The following PCDH15 variants were observed in gnomAD, a reference collection of about 807,000 sequenced individuals.
PCDH15 encodes the protein protocadherin related 15.
PCDH15 carries 129 observed loss-of-function variants against 178.5 expected under a neutral mutation model. The observed-to-expected ratio is 0.72, with a 90% CI of 0.63 to 0.84. The LOEUF (loss-of-function observed/expected upper bound fraction) is 0.84. Among genes scored for constraint, PCDH15 ranks in the 40% least tolerant of loss-of-function variants. The probability of loss-of-function intolerance (pLI) is 0.00; values close to 1 mark genes in which losing one functional copy is unlikely to be tolerated. For missense variants in PCDH15, 2,230 were observed against 2,099.9 expected (o/e 1.06, Z -1.21); for synonymous variants, 800 against 732.0 (o/e 1.09, Z -1.50).
intron 1 of PCDH15, among the ~76,000 whole-genome samples, chr10:54,668,669 A>G (rs2094609501): frequency 6.6e-6 from 1 of 152,216 alleles, no homozygotes; most frequent in Admixed American, 6.6e-5. Context: ...AAAAGCAGCC[A>G]AGGTTGACAC....
chr10:54,741,874 C>G (rs1944852917), intron 1 of PCDH15, among the ~76,000 whole-genome samples: 1 of 152,040 alleles, frequency 6.6e-6, no homozygotes, highest in South Asian at 2.1e-4. Context: ...GTCCTTATCT[C>G]AAGTCACTTG....
At chr10:54,743,630 C>T (rs117715094) in intron 1 of PCDH15, among the ~76,000 whole-genome samples, 1 of 151,918 alleles carries the variant, frequency 6.6e-6, no homozygotes, top group Non-Finnish European at 1.5e-5. Flanking sequence ...CAAATTACCA[C>T]CACTTGAAAG....
At chr10:54,386,915 C>T (rs1301779107) in intron 3 of PCDH15, among the ~76,000 whole-genome samples, 1 of 152,026 alleles carries the variant, frequency 6.6e-6, no homozygotes, top group African/African-American at 2.4e-5. Context: ...GAAACAAGTT[C>T]AAGAGATTAA....
At chr10:54,970,913 T>C (rs894523763) in intron 2 of PCDH15, among the ~76,000 whole-genome samples, 4 of 152,306 alleles carry the variant, frequency 2.6e-5, no homozygotes, top group Non-Finnish European at 5.9e-5. Context: ...ATTTATCATA[T>C]GTTTGTTCCA....
At chr10:55,531,081 T>C (rs1230589389) in intron 2 of PCDH15, among the ~76,000 whole-genome samples, 4 of 152,000 alleles carry the variant, frequency 2.6e-5, no homozygotes, top group Non-Finnish European at 4.4e-5. Flanking sequence ...TGATTTTATT[T>C]TGGCTTCAAC....
intron 2 of PCDH15, among the ~76,000 whole-genome samples, chr10:54,605,224 A>G (rs887580164): frequency 2.0e-5 from 3 of 151,968 alleles, no homozygotes; most frequent in Non-Finnish European, 2.9e-5. Flanking sequence ...TAAATTTACC[A>G]TTACCGATGA....
chr10:54,798,213 C>A (rs1291825562), intron 1 of PCDH15, among the ~76,000 whole-genome samples: 1 of 151,550 alleles, frequency 6.6e-6, no homozygotes, highest in Non-Finnish European at 1.5e-5. Context: ...TCAAAATTGA[C>A]TATGAGCACT....
chr10:55,604,401 G>C (rs1292559795), intron 2 of PCDH15, among the ~76,000 whole-genome samples: 1 of 151,892 alleles, frequency 6.6e-6, no homozygotes, highest in Non-Finnish European at 1.5e-5. Context: ...GGACCTAATA[G>C]ACAGCTACAG....
chr10:54,199,467 G>A (rs1344959149), intron 10 of PCDH15, among the ~76,000 whole-genome samples: 1 of 151,466 alleles, frequency 6.6e-6, no homozygotes, highest in East Asian at 1.9e-4. Flanking sequence ...AATGAATATC[G>A]AAAAGCAAGA....
At chr10:55,427,878 A>T in intron 2 of PCDH15, among the ~76,000 whole-genome samples, 1 of 152,114 alleles carries the variant, frequency 6.6e-6, no homozygotes, top group Non-Finnish European at 1.5e-5. Flanking sequence ...GTATCTCCAA[A>T]TAGCATTTTA....
intron 8 of PCDH15, among the ~76,000 whole-genome samples, chr10:54,296,144 C>CAAAAAAAA (rs59721161): frequency 1.0e-4 from 5 of 48,224 alleles, no homozygotes; most frequent in African/African-American, 2.4e-4. Flanking sequence ...GACTCCGTCT[C>CAAAAAAAA]AAAAAAAAAA....
chr10:54,995,133 T>G (rs1026877634), intron 2 of PCDH15, among the ~76,000 whole-genome samples: 1 of 152,010 alleles, frequency 6.6e-6, no homozygotes, highest in Non-Finnish European at 1.5e-5. Context: ...TCCCAGCACT[T>G]TGGGAGGCCG....
chr10:55,293,794 C>T (rs1402076588), intron 1 of PCDH15, among the ~76,000 whole-genome samples: 2 of 152,122 alleles, frequency 1.3e-5, no homozygotes, highest in African/African-American at 4.8e-5. Flanking sequence ...GCATTTTGAT[C>T]AAAGCCATTC....
intron 2 of PCDH15, among the ~76,000 whole-genome samples, chr10:55,491,842 G>A (rs371636653): frequency 6.6e-6 from 1 of 151,548 alleles, no homozygotes; most frequent in African/African-American, 2.4e-5. Flanking sequence ...GCTAAGAATA[G>A]GTCTCCTGCA....
intron 8 of PCDH15, among the ~76,000 whole-genome samples, chr10:54,297,617 T>G (rs2059883761): frequency 6.6e-6 from 1 of 152,000 alleles, no homozygotes. Context: ...CAGAGGGAAA[T>G]AAGAAAAGAA....
At chr10:54,035,212 A>T (rs912876751) in intron 18 of PCDH15, among the ~76,000 whole-genome samples, 2 of 151,904 alleles carry the variant, frequency 1.3e-5, no homozygotes, top group African/African-American at 4.8e-5. Flanking sequence ...GATAAAATAG[A>T]AGTGGTAAGT....
chr10:55,184,935 T>C (rs944848679), intron 1 of PCDH15, among the ~76,000 whole-genome samples: 3 of 151,930 alleles, frequency 2.0e-5, no homozygotes, highest in East Asian at 3.9e-4. Flanking sequence ...GATTATTTCA[T>C]GGAATTCAGA....
At chr10:54,725,267 A>G (rs1288015499) in intron 1 of PCDH15, among the ~76,000 whole-genome samples, 1 of 151,046 alleles carries the variant, frequency 6.6e-6, no homozygotes, top group Non-Finnish European at 1.5e-5. Flanking sequence ...ACAGACACTA[A>G]AAACCTTAAA....
At chr10:55,505,933 A>G (rs1049852074) in intron 2 of PCDH15, among the ~76,000 whole-genome samples, 16 of 151,462 alleles carry the variant, frequency 1.1e-4, no homozygotes, top group African/African-American at 3.1e-4. Flanking sequence ...AAGTACAAAA[A>G]CAAGAAGAAA....
Sources: gnomAD v4.1 joint callset for allele counts (sites outside exome capture counted in the v4.1 genomes callset) on GRCh38, gnomAD v4.1.1 for gene constraint, MANE v1.5 for transcripts, NCBI Gene and HGNC (gene_info 2026-07-23, HGNC 2026-07-21) for gene names.